Variants in FSIP1 observed in about 807,000 individuals in gnomAD.
The protein encoded by FSIP1 is fibrous sheath-interacting protein 1.
In FSIP1, 65 loss-of-function variants were observed where a neutral mutation model predicts 60.9. The ratio of observed to expected loss-of-function variants is 1.07; its 90% CI spans 0.87 to 1.31. The LOEUF (loss-of-function observed/expected upper bound fraction) is 1.31. FSIP1 is among the 40% of genes most tolerant of loss of function. FSIP1 has a pLI of 0.00. For missense variants in FSIP1, 675 were observed against 665.5 expected (o/e 1.01, Z -0.16); for synonymous variants, 209 against 221.2 (o/e 0.94, Z 0.49).
In FSIP1 at chr15:39,671,936, C is replaced by G. The variant is rs374679875; in HGVS notation, c.1188+41508G>C. Among the ~76,000 whole-genome samples the G allele has an allele frequency of 5.9e-5, 9 of 152,286 alleles. No homozygotes were observed. The East Asian group carries it at 1.7e-3, about 29-fold the overall frequency. On this transcript the variant is annotated intron_variant, in intron 10 of 11. Coordinates refer to ENST00000350221, the MANE Select transcript of FSIP1 (RefSeq NM_152597.5). ...GTTGCCTCAGCAGGGAGCTAGCCTT[C>G]CCAAAGAGCACAGAGAATCCAACTA...
intron 8 of FSIP1, among the ~76,000 whole-genome samples, chr15:39,736,786 G>C (rs1896624957): frequency 6.6e-6 from 1 of 152,238 alleles, no homozygotes; most frequent in African/African-American, 2.4e-5. Context: ...AACAGCCGAG[G>C]GCAAGGGCAC....
chr15:39,728,868 C>G (rs141839626), intron 8 of FSIP1, among the ~76,000 whole-genome samples: 2,055 of 152,200 alleles, frequency 0.014, 51 homozygotes, highest in African/African-American at 0.047. Context: ...CAACAAAGGT[C>G]TAATATCCAG....
rs948776914 is a variant in FSIP1 at position 39,614,473 on chromosome 15, G to A, written c.1699+3262C>T. ...AGCCTGGCCCACATGGTGAAATCTC[G>A]TCTCTACTAAAGATAGAAAAAATTA... On this transcript the variant is annotated intron_variant, in intron 11 of 11. Coordinates refer to ENST00000350221, the MANE Select transcript of FSIP1 (RefSeq NM_152597.5). 5.1e-4 allele frequency among the ~76,000 whole-genome samples: 78 copies of A among 151,990 alleles called. 1 individual carries two copies. Among genetic ancestry groups the A allele is most frequent in the African/African-American group, 1.6e-3 (68 of 41,452 alleles).
chr15:39,691,677 C>T (rs1309318968), intron 10 of FSIP1, among the ~76,000 whole-genome samples: 1 of 152,178 alleles, frequency 6.6e-6, no homozygotes, highest in Non-Finnish European at 1.5e-5. Flanking sequence ...TTGATGGGTA[C>T]ACTTTTTTTC....
At chr15:39,750,753 A>G (rs1897137939) in intron 5 of FSIP1, among the ~76,000 whole-genome samples, 1 of 151,958 alleles carries the variant, frequency 6.6e-6, no homozygotes, top group South Asian at 2.1e-4. Flanking sequence ...TATCACACCA[A>G]AAGTTCAGAA....
intron 8 of FSIP1, among the ~76,000 whole-genome samples, chr15:39,732,920 T>C (rs1595673936): frequency 6.6e-6 from 1 of 152,236 alleles, no homozygotes; most frequent in African/African-American, 2.4e-5. Context: ...CCTGCGGCAC[T>C]GCTTCTTCCT....
intron 3 of FSIP1, among the ~76,000 whole-genome samples, chr15:39,769,076 G>A (rs1022725470): frequency 5.9e-5 from 9 of 151,974 alleles, no homozygotes; most frequent in Non-Finnish European, 1.2e-4. Flanking sequence ...TCAGGAGATC[G>A]AGACCATCCT....
chr15:39,647,916 G>A (rs530818469), intron 10 of FSIP1, among the ~76,000 whole-genome samples: 2 of 151,482 alleles, frequency 1.3e-5, no homozygotes, highest in Admixed American at 6.6e-5. Context: ...ACTACGCTTT[G>A]CCCTTTAATC....
At chr15:39,698,061 G>T (rs1894891767) in intron 10 of FSIP1, among the ~76,000 whole-genome samples, 1 of 151,568 alleles carries the variant, frequency 6.6e-6, no homozygotes, top group South Asian at 2.1e-4. Context: ...CTCTGAAACT[G>T]CCCTGTCAAT....
chr15:39,654,757 G>T (rs1012835212), intron 10 of FSIP1, among the ~76,000 whole-genome samples: 1 of 152,192 alleles, frequency 6.6e-6, no homozygotes, highest in African/African-American at 2.4e-5. Context: ...TGACCCAATG[G>T]CTCTCATGTG....
intron 5 of FSIP1, among the ~76,000 whole-genome samples, chr15:39,747,021 C>CTCCTTCCCTCTTTCCA (rs1897019609): frequency 7.2e-6 from 1 of 138,718 alleles, no homozygotes; most frequent in Non-Finnish European, 1.5e-5. Context: ...CCCTCCTTCC[C>CTCCTTCCCTCTTTCCA]TCCTTCCCTC....
downstream of FSIP1, chr15:39,599,268 A>T (rs558131788): frequency 3.3e-5 from 5 of 152,322 alleles, no homozygotes; most frequent in Middle Eastern, 3.4e-3. Context: ...CTTAGTTACC[A>T]GTCCTTGTTA....
intron 9 of FSIP1, among the ~76,000 whole-genome samples, chr15:39,716,243 C>T (rs1007381284): frequency 3.3e-5 from 5 of 152,240 alleles, no homozygotes; most frequent in African/African-American, 1.2e-4. Context: ...TGGTAATCTG[C>T]AAAACACCCC....
rs1595522768 is a variant in FSIP1 at position 39,604,111 on chromosome 15, A to G, written c.1700-3185T>C. ...CATACCCGGCTAATTTTGTATTTTT[A>G]GTACAGATGGGGTTTCTCCGTGTTG... On this transcript the variant is annotated intron_variant, in intron 11 of 11. Transcript: ENST00000350221. Among the ~76,000 whole-genome samples, 2 of 152,312 alleles carry G rather than the reference A, an allele frequency of 1.3e-5. 1 individual carries two copies. Among genetic ancestry groups the G allele is most frequent in the East Asian group, 3.9e-4 (2 of 5,184 alleles).
intron 10 of FSIP1, among the ~76,000 whole-genome samples, chr15:39,688,716 G>A (rs1421292286): frequency 6.6e-6 from 1 of 152,136 alleles, no homozygotes; most frequent in African/African-American, 2.4e-5. Flanking sequence ...TCCACATTGA[G>A]TGTCCAAATA....
chr15:39,754,334 T>C (rs796547513), intron 5 of FSIP1, among the ~76,000 whole-genome samples: 1 of 152,084 alleles, frequency 6.6e-6, no homozygotes, highest in South Asian at 2.1e-4. Flanking sequence ...CCAGCTAAGA[T>C]ACTCCCAGAT....
At chr15:39,619,816 CATCCTCATCAA>C (rs1342816848) in intron 10 of FSIP1, among the ~76,000 whole-genome samples, 2 of 152,076 alleles carry the variant, frequency 1.3e-5, no homozygotes, top group African/African-American at 4.8e-5. Context: ...CCTTACCAAA[CATCCTCATCAA>C]AGCCTTATTA....
chr15:39,726,810 C>T, intron 8 of FSIP1, 63 bp from the exon 9 acceptor site: 5 of 1,396,468 alleles, frequency 3.6e-6, no homozygotes, highest in Non-Finnish European at 4.0e-6. Flanking sequence ...ATATACCTTT[C>T]AAGTGGCTAT....
chr15:39,606,028 T>G (rs568717351), intron 11 of FSIP1, among the ~76,000 whole-genome samples: 1 of 152,322 alleles, frequency 6.6e-6, no homozygotes, highest in Non-Finnish European at 1.5e-5. Flanking sequence ...CACTGGTGGG[T>G]GGTAGGCCAC....
Sources: gnomAD v4.1 joint callset for allele counts (sites outside exome capture counted in the v4.1 genomes callset) on GRCh38, gnomAD v4.1.1 for gene constraint, MANE v1.5 for transcripts, NCBI Gene and HGNC (gene_info 2026-07-23, HGNC 2026-07-21) for gene names.